Variants in TMEM132D observed in about 807,000 individuals in gnomAD.
TMEM132D encodes mature OL transmembrane protein.
A neutral mutation model predicts 62.3 loss-of-function variants in TMEM132D; 21 were observed. That is an observed-to-expected ratio of 0.34 (90% CI 0.24 to 0.49). The LOEUF is 0.49. TMEM132D is among the 20% of genes least tolerant of loss of function. The pLI is 0.99. For synonymous variants in TMEM132D, 621 were observed against 575.6 expected, an observed-to-expected ratio of 1.08 and a Z score of -1.13; for missense variants, 1,346 against 1,402.8, an observed-to-expected ratio of 0.96 and a Z score of 0.65.
intron 2 of TMEM132D, among the ~76,000 whole-genome samples, chr12:129,610,193 C>G (rs1878732996): frequency 6.6e-6 from 1 of 151,032 alleles, no homozygotes. Context: ...AATAGAATTG[C>G]TTGAACCTGG....
chr12:129,399,744 G>A lies in TMEM132D; in HGVS notation c.1116-61927C>T, dbSNP rs560524637. The stretch of plus-strand genomic sequence containing the variant: ...TATGCAGTTCTACTAAGAATTACAC[G>A]AATTTTGAAAATAGAAAGCAAAGAG... On this transcript the variant is annotated intron_variant, in intron 3 of 8. Coordinates refer to ENST00000422113, the MANE Select transcript of TMEM132D (RefSeq NM_133448.3). Among the ~76,000 whole-genome samples the A allele has an allele frequency of 7.9e-5, 12 of 151,966 alleles. No individual in the cohort carries two copies. The South Asian group carries it at 2.1e-3, about 26-fold the overall frequency.
intron 5 of TMEM132D, among the ~76,000 whole-genome samples, chr12:129,149,527 G>A (rs1877012557): frequency 6.6e-6 from 1 of 152,222 alleles, no homozygotes; most frequent in Non-Finnish European, 1.5e-5. Flanking sequence ...GTCAGACATT[G>A]CTGGAGGAGT....
chr12:129,217,759 C>T (rs961324327), intron 4 of TMEM132D, among the ~76,000 whole-genome samples: 1 of 152,188 alleles, frequency 6.6e-6, no homozygotes, highest in African/African-American at 2.4e-5. Context: ...AGACATGAGA[C>T]AGTAGGCATA....
intron 2 of TMEM132D, among the ~76,000 whole-genome samples, chr12:129,589,450 G>A (rs749795761): frequency 6.6e-6 from 1 of 152,130 alleles, no homozygotes; most frequent in Non-Finnish European, 1.5e-5. Context: ...AATACATGGG[G>A]GAAGGGATGG....
chr12:129,147,429 A>T (rs1876944129), intron 5 of TMEM132D, among the ~76,000 whole-genome samples: 1 of 152,006 alleles, frequency 6.6e-6, no homozygotes, highest in Middle Eastern at 3.2e-3. Flanking sequence ...ATGTAAGTAC[A>T]CACTCTTGCA....
At chr12:129,817,246 G>A (rs1379578511) in intron 1 of TMEM132D, among the ~76,000 whole-genome samples, 2 of 152,186 alleles carry the variant, frequency 1.3e-5, no homozygotes, top group South Asian at 2.1e-4. Context: ...CCTGCTCAGC[G>A]TCAGACACAG....
chr12:129,412,005 T>C (rs1871981800), intron 3 of TMEM132D, among the ~76,000 whole-genome samples: 1 of 152,254 alleles, frequency 6.6e-6, no homozygotes, highest in African/African-American at 2.4e-5. Context: ...TGCAATACTC[T>C]AATAATCCAC....
At chr12:129,788,911 G>A (rs1364328124) in intron 1 of TMEM132D, among the ~76,000 whole-genome samples, 1 of 152,090 alleles carries the variant, frequency 6.6e-6, no homozygotes, top group Non-Finnish European at 1.5e-5. Flanking sequence ...ACAGGGGAGG[G>A]CAATGAGGCA....
chr12:129,095,003 A>C (rs2135631033), intron 5 of TMEM132D, among the ~76,000 whole-genome samples: 1 of 139,572 alleles, frequency 7.2e-6, no homozygotes, highest in East Asian at 2.4e-4. Flanking sequence ...GGACACAGGA[A>C]GGGGAACATC....
intron 5 of TMEM132D, among the ~76,000 whole-genome samples, chr12:129,100,638 A>AT (rs1418541862): frequency 6.6e-6 from 1 of 152,032 alleles, no homozygotes; most frequent in Non-Finnish European, 1.5e-5. Context: ...GGCCTCAATA[A>AT]TTTTTTTCTG....
At chr12:129,545,128 G>A (rs566387682) in intron 2 of TMEM132D, among the ~76,000 whole-genome samples, 1 of 152,316 alleles carries the variant, frequency 6.6e-6, no homozygotes, top group East Asian at 1.9e-4. Flanking sequence ...TTTTCCAGGA[G>A]TGACAAGAAA....
rs574229004 is a variant in TMEM132D at position 129,878,856 on chromosome 12, G to A, written c.79+24405C>T. 2.5e-4 allele frequency among the ~76,000 whole-genome samples: 38 copies of A among 152,152 alleles called. No individual in the cohort carries two copies. The South Asian group carries it at 5.4e-3, about 22-fold the overall frequency. On this transcript the variant is annotated intron_variant, in intron 1 of 8. Coordinates refer to ENST00000422113, the MANE Select transcript of TMEM132D (RefSeq NM_133448.3). ...AGTGCTGGGATTACAGGTGTGAGCC[G>A]CTGCACCCGGCCTACAGATTGCTTC... is the stretch of plus-strand genomic sequence containing the variant.
intron 3 of TMEM132D, among the ~76,000 whole-genome samples, chr12:129,510,772 C>T (rs1875473171): frequency 6.6e-6 from 1 of 152,040 alleles, no homozygotes; most frequent in Non-Finnish European, 1.5e-5. Flanking sequence ...TTATTTTTTG[C>T]CATTTCTTTC....
At chr12:129,710,946 T>C (rs1202360136) in intron 1 of TMEM132D, among the ~76,000 whole-genome samples, 14 of 152,098 alleles carry the variant, frequency 9.2e-5, no homozygotes, top group Admixed American at 9.2e-4. Flanking sequence ...ATTCCCCGGC[T>C]GTGTTTAGCC....
rs530589838 is a variant in TMEM132D, at chr12:129,598,770, T to G, written c.969-67565A>C. Among the ~76,000 whole-genome samples, 3 of 152,240 alleles carry G rather than the reference T, an allele frequency of 2.0e-5. 1 individual carries two copies. In the South Asian group the frequency reaches 6.2e-4, roughly 32 times the overall value. On this transcript the variant is annotated intron_variant, in intron 2 of 8. Coordinates refer to ENST00000422113, the MANE Select transcript of TMEM132D (RefSeq NM_133448.3). ...ATGTTTTGGTAACGATTGCAGAAAT[T>G]TTTCTGCTTTTCAAGAATTCATTCC...
At chr12:129,750,504 G>A (rs1593146958) in intron 1 of TMEM132D, among the ~76,000 whole-genome samples, 1 of 152,194 alleles carries the variant, frequency 6.6e-6, no homozygotes, top group South Asian at 2.1e-4. Context: ...CCATTAATAT[G>A]GTGAAAGACT....
At chr12:129,566,527 A>G (rs1406532548) in intron 2 of TMEM132D, among the ~76,000 whole-genome samples, 1 of 152,230 alleles carries the variant, frequency 6.6e-6, no homozygotes, top group African/African-American at 2.4e-5. Flanking sequence ...AGACTGTAAG[A>G]CTGACAAAAC....
intron 1 of TMEM132D, among the ~76,000 whole-genome samples, chr12:129,734,291 C>A (rs570016930): frequency 6.6e-6 from 1 of 152,198 alleles, no homozygotes; most frequent in Non-Finnish European, 1.5e-5. Flanking sequence ...TCCAAAAGAA[C>A]CTTTTCCCTA....
intron 4 of TMEM132D, among the ~76,000 whole-genome samples, chr12:129,270,038 C>T (rs1880810417): frequency 1.3e-5 from 2 of 152,112 alleles, no homozygotes; most frequent in African/African-American, 4.8e-5. Context: ...AGCCGCAGGC[C>T]GAGGACGAAG....
Sources: gnomAD v4.1 joint callset for allele counts (sites outside exome capture counted in the v4.1 genomes callset) on GRCh38, gnomAD v4.1.1 for gene constraint, MANE v1.5 for transcripts, NCBI Gene and HGNC (gene_info 2026-07-23, HGNC 2026-07-21) for gene names.